The following STON1 variants were observed in gnomAD, a reference collection of about 807,000 sequenced individuals.
STON1 encodes the protein stonin 1, also known as stonin-1.
A neutral mutation model predicts 60.9 loss-of-function variants in STON1; 79 were observed. That is an observed-to-expected ratio of 1.30 (90% CI 1.08 to 1.56). The LOEUF (loss-of-function observed/expected upper bound fraction) is 1.56. Ranked by LOEUF, STON1 falls within the 40% of genes most tolerant of loss-of-function variation. The pLI, the probability that STON1 is intolerant of heterozygous loss-of-function variation, is 0.00. For missense variants in STON1, 1,166 were observed against 858.9 expected, an observed-to-expected ratio of 1.36 and a Z score of -4.47; for synonymous variants, 363 against 306.9, an observed-to-expected ratio of 1.18 and a Z score of -1.91.
intron 1 of STON1, among the ~76,000 whole-genome samples, chr2:48,551,386 T>A (rs11125175): frequency 0.28 from 43,166 of 152,120 alleles, 6,511 homozygotes; most frequent in South Asian, 0.36. Context: ...TAGTTCAAGT[T>A]CCCTTCCCTA....
chr2:48,553,520 T>C (rs1488730844), intron 1 of STON1, among the ~76,000 whole-genome samples: 2 of 152,064 alleles, frequency 1.3e-5, no homozygotes, highest in East Asian at 3.9e-4. Flanking sequence ...GGAGTTTTGC[T>C]CTTGTTTCCC....
At chr2:48,553,726 G>A (rs1313566077) in intron 1 of STON1, among the ~76,000 whole-genome samples, 1 of 152,166 alleles carries the variant, frequency 6.6e-6, no homozygotes, top group African/African-American at 2.4e-5. Context: ...GATCTCAAGT[G>A]ATGCACCTGC....
chr2:48,574,372 T>C (rs7588505), intron 1 of STON1, among the ~76,000 whole-genome samples: 1 of 147,388 alleles, frequency 6.8e-6, no homozygotes, highest in African/African-American at 2.5e-5. Flanking sequence ...TGCAACTCCA[T>C]CTCGAAAAAA....
At chr2:48,578,549 TCTCCTCCTTCTC>T (rs1471949742) in intron 1 of STON1, among the ~76,000 whole-genome samples, 32 of 140,974 alleles carry the variant, frequency 2.3e-4, no homozygotes, top group African/African-American at 4.6e-4. Context: ...TTCTCCTCCT[TCTCCTCCTTCTC>T]CTCCTCCTCC....
chr2:48,557,111 G>C (rs1257302259), intron 1 of STON1, among the ~76,000 whole-genome samples: 13 of 102,192 alleles, frequency 1.3e-4, no homozygotes, highest in African/African-American at 3.3e-4. Context: ...GGTGGCTGCC[G>C]GGCGGAGACG....
chr2:48,591,319 A>G (rs1025363469), intron 2 of STON1, among the ~76,000 whole-genome samples: 3 of 150,788 alleles, frequency 2.0e-5, no homozygotes, highest in African/African-American at 2.4e-5. Flanking sequence ...TCTAATTAAT[A>G]TTAGTAATAT....
chr2:48,561,936 T>C (rs1427489594), intron 1 of STON1, among the ~76,000 whole-genome samples: 3 of 152,160 alleles, frequency 2.0e-5, no homozygotes, highest in African/African-American at 7.2e-5. Context: ...TCTCAGCTCA[T>C]TGCAACCTCT....
chr2:48,559,657 C>G lies in STON1; in HGVS notation c.-47-20930C>G, dbSNP rs920697238. Among the ~76,000 whole-genome samples the G allele has an allele frequency of 3.3e-5, 5 of 152,294 alleles. No homozygotes were observed. In the South Asian group the frequency reaches 8.3e-4, roughly 25 times the overall value. ...GCTCAGGGAATTGAAGTAACTTGCTCCATGTCACTGCTAGGCAGTGGCAGG... is the reference window on the plus strand; with the variant it reads ...GCTCAGGGAATTGAAGTAACTTGCTGCATGTCACTGCTAGGCAGTGGCAGG... On this transcript the variant is annotated intron_variant, in intron 1 of 3. Transcript: ENST00000404752.
In STON1 at chr2:48,569,186, C is replaced by G. The variant is rs1161411043; in HGVS notation, c.-47-11401C>G. On this transcript the variant is annotated intron_variant, in intron 1 of 3. Transcript: ENST00000404752. Reference sequence around the variant, plus strand: ...AGTATTAAATGAGATCATGCATATACAGCCTACAGCCCTTAGCACACCATG... The same window carrying G: ...AGTATTAAATGAGATCATGCATATAGAGCCTACAGCCCTTAGCACACCATG... The G allele has an allele frequency of 2.0e-5, 3 of 152,222 alleles. No homozygotes were observed. In the East Asian group the frequency reaches 5.8e-4, roughly 29 times the overall value. The allele number at this position is 152,222 out of a possible 1,614,324, so 9.4% of individuals were successfully genotyped here.
intron 1 of STON1, among the ~76,000 whole-genome samples, chr2:48,543,440 C>A (rs1217987230): frequency 6.6e-6 from 1 of 151,974 alleles, no homozygotes; most frequent in Non-Finnish European, 1.5e-5. Context: ...GAACCATGTC[C>A]CTCTTAACCA....
At position 48,598,223 on chromosome 2, in the gene STON1, T is replaced by C. The variant is rs1674870149; in HGVS notation, c.*2921T>C. On this transcript the variant is annotated 3_prime_UTR_variant, in exon 4 of 4. Transcript: ENST00000404752. Reference sequence around the variant, plus strand: ...ACTAAAAAAAGATATGTAAAAAAGATACTTTCCAGCACATAAATAAAGGCT... The same window carrying C: ...ACTAAAAAAAGATATGTAAAAAAGACACTTTCCAGCACATAAATAAAGGCT... 1 of 152,248 alleles carries C rather than the reference T, an allele frequency of 6.6e-6. No homozygotes were observed. Among genetic ancestry groups the C allele is most frequent in the African/African-American group, 2.4e-5 (1 of 41,460 alleles). 9.4% of individuals were successfully genotyped at this position (152,248 alleles called of 1,614,324 possible). A position where few individuals can be genotyped will look rare whatever the true frequency, so the allele number is the denominator to read the frequency against.
At chr2:48,568,094 G>A (rs1171734092) in intron 1 of STON1, among the ~76,000 whole-genome samples, 1 of 151,506 alleles carries the variant, frequency 6.6e-6, no homozygotes, top group Admixed American at 6.6e-5. Context: ...AGGAGAGGGT[G>A]TTCCTGAGGC....
chr2:48,580,454 GTT>G (rs11313336), intron 1 of STON1, 131 bp from the exon 2 acceptor site: 34 of 862,542 alleles, frequency 3.9e-5, no homozygotes, highest in African/African-American at 5.3e-5. Context: ...GTTGGATCAT[GTT>G]TTTTTTTTAA....
At chr2:48,560,053 C>T (rs1197995028) in intron 1 of STON1, among the ~76,000 whole-genome samples, 1 of 152,158 alleles carries the variant, frequency 6.6e-6, no homozygotes, top group Non-Finnish European at 1.5e-5. Flanking sequence ...CCTCTCAAAA[C>T]ACTAAAAGCA....
chr2:48,534,702 G>A (rs555051387), intron 1 of STON1, among the ~76,000 whole-genome samples: 1 of 152,246 alleles, frequency 6.6e-6, no homozygotes, highest in Non-Finnish European at 1.5e-5. Flanking sequence ...AGGATCACCT[G>A]AGCCTAGGAG....
chr2:48,584,789 A>G (rs377233840), intron 2 of STON1, among the ~76,000 whole-genome samples: 17 of 152,224 alleles, frequency 1.1e-4, no homozygotes, highest in African/African-American at 3.6e-4. Context: ...CAAGCCCCAG[A>G]CTACAATTGA....
At chr2:48,585,357 A>G (rs1450260643) in intron 2 of STON1, among the ~76,000 whole-genome samples, 1 of 151,814 alleles carries the variant, frequency 6.6e-6, no homozygotes, top group Non-Finnish European at 1.5e-5. Flanking sequence ...AAGCAATTCT[A>G]GTGGCTCAAC....
At chr2:48,566,247 C>G (rs1263673883) in intron 1 of STON1, among the ~76,000 whole-genome samples, 4 of 152,176 alleles carry the variant, frequency 2.6e-5, no homozygotes, top group Non-Finnish European at 5.9e-5. Context: ...ACCATCTTGG[C>G]TCACTGCAAC....
intron 1 of STON1, among the ~76,000 whole-genome samples, chr2:48,564,733 C>CTTT (rs776637856): frequency 0.11 from 11,317 of 100,854 alleles, 1,203 homozygotes; most frequent in Middle Eastern, 0.19. Context: ...TTCTTTCTTT[C>CTTT]TTTTTTTTTT....
Sources: gnomAD v4.1 joint callset for allele counts (sites outside exome capture counted in the v4.1 genomes callset) on GRCh38, gnomAD v4.1.1 for gene constraint, MANE v1.5 for transcripts, NCBI Gene and HGNC (gene_info 2026-07-23, HGNC 2026-07-21) for gene names.